MYO3B: variants seen among roughly 807,000 people sequenced by gnomAD.
MYO3B encodes the protein myosin IIIB, also known as myosin-IIIb.
In MYO3B, 156 loss-of-function variants were observed where a neutral mutation model predicts 174.6. The ratio of observed to expected loss-of-function variants is 0.89; its 90% CI spans 0.78 to 1.02. The LOEUF (loss-of-function observed/expected upper bound fraction) is 1.02. Ranked by LOEUF, MYO3B falls within the 50% of genes least tolerant of loss-of-function variation. The pLI is 0.00. For synonymous variants in MYO3B, 563 were observed against 569.1 expected (o/e 0.99, Z 0.15); for missense variants, 1,632 against 1,639.4 (o/e 1.00, Z 0.08).
At chr2:170,585,065 T>C (rs951483080) in intron 32 of MYO3B, among the ~76,000 whole-genome samples, 2 of 152,168 alleles carry the variant, frequency 1.3e-5, no homozygotes, top group African/African-American at 4.8e-5. Context: ...TCTGCTGGAG[T>C]CCCACCTCCA....
intron 25 of MYO3B, among the ~76,000 whole-genome samples, chr2:170,487,266 A>G (rs1686128160): frequency 6.6e-6 from 1 of 152,224 alleles, no homozygotes; most frequent in Admixed American, 6.5e-5. Context: ...ATACCCCTAA[A>G]GTATACTCAT....
At chr2:170,481,163 A>G (rs1685664063) in intron 25 of MYO3B, among the ~76,000 whole-genome samples, 1 of 152,200 alleles carries the variant, frequency 6.6e-6, no homozygotes, top group Admixed American at 6.5e-5. Context: ...ATAAGAAAAC[A>G]CAAATCCTCC....
intron 30 of MYO3B, among the ~76,000 whole-genome samples, chr2:170,520,512 C>CAT (rs759291370): frequency 5.1e-4 from 77 of 151,196 alleles, no homozygotes; most frequent in African/African-American, 9.3e-4. Context: ...CACACACACA[C>CAT]ATATATATAT....
chr2:170,313,889 G>A (rs879360491), intron 7 of MYO3B, among the ~76,000 whole-genome samples: 10 of 152,042 alleles, frequency 6.6e-5, no homozygotes, highest in Non-Finnish European at 1.5e-4. Context: ...GCTCAAAATT[G>A]CAAGGAGAAG....
At chr2:170,192,635 A>C (rs1160521433) in intron 1 of MYO3B, among the ~76,000 whole-genome samples, 2 of 151,164 alleles carry the variant, frequency 1.3e-5, no homozygotes, top group South Asian at 4.2e-4. Context: ...TTTTGAATAG[A>C]ATATTAAAAA....
chr2:170,394,255 T>C (rs2094431759), intron 16 of MYO3B, among the ~76,000 whole-genome samples: 1 of 152,192 alleles, frequency 6.6e-6, no homozygotes, highest in South Asian at 2.1e-4. Flanking sequence ...CAAGGTCTGA[T>C]TGCAAAAATT....
chr2:170,593,625 A>G (rs1693957818), intron 32 of MYO3B, among the ~76,000 whole-genome samples: 1 of 152,214 alleles, frequency 6.6e-6, no homozygotes, highest in African/African-American at 2.4e-5. Context: ...GACCCAAATG[A>G]GGTCTGTTAG....
rs531442344 is a variant in MYO3B, at chr2:170,618,241, A to C, written c.3734-33387A>C. On this transcript the variant is annotated intron_variant, in intron 32 of 34. Coordinates refer to ENST00000408978, the MANE Select transcript of MYO3B (RefSeq NM_138995.5). ...CATTAACATAGACCTCGATAGGAGC[A>C]TCCATCCATGTCACGGCTCGAATAA... 1.6e-4 allele frequency among the ~76,000 whole-genome samples: 25 copies of C among 152,314 alleles called. No homozygotes were observed. The East Asian group carries it at 4.8e-3, about 29-fold the overall frequency.
chr2:170,367,193 A>G (rs142140397), intron 8 of MYO3B, among the ~76,000 whole-genome samples: 24 of 152,290 alleles, frequency 1.6e-4, no homozygotes, highest in Non-Finnish European at 2.5e-4. Flanking sequence ...TTTCTTTTCA[A>G]TGAGCATTTC....
chr2:170,179,770 G>A (rs1226927726), intron 1 of MYO3B, among the ~76,000 whole-genome samples: 1 of 152,142 alleles, frequency 6.6e-6, no homozygotes, highest in Non-Finnish European at 1.5e-5. Flanking sequence ...AGCAGAAAAT[G>A]GACTAACACA....
intron 7 of MYO3B, among the ~76,000 whole-genome samples, chr2:170,314,672 T>C (rs1158935693): frequency 6.6e-6 from 1 of 152,210 alleles, no homozygotes; most frequent in Non-Finnish European, 1.5e-5. Context: ...TAAAGAACTA[T>C]GTATTTTAAA....
At chr2:170,471,190 C>T (rs1288571765) in intron 25 of MYO3B, among the ~76,000 whole-genome samples, 2 of 152,044 alleles carry the variant, frequency 1.3e-5, no homozygotes, top group Admixed American at 6.6e-5. Context: ...GCTGGGATTA[C>T]AGGCATCTGC....
At chr2:170,563,218 T>C in intron 32 of MYO3B, among the ~76,000 whole-genome samples, 1 of 151,818 alleles carries the variant, frequency 6.6e-6, no homozygotes, top group South Asian at 2.1e-4. Flanking sequence ...TTAGGATAAT[T>C]GGAGTATTGT....
chr2:170,405,382 T>C (rs534258597), intron 20 of MYO3B, among the ~76,000 whole-genome samples, 163 bp from the exon 21 acceptor site: 1 of 152,328 alleles, frequency 6.6e-6, no homozygotes, highest in South Asian at 2.1e-4. Flanking sequence ...AAGGATATAA[T>C]GATAAATGCC....
chr2:170,235,794 G>A (rs1382445833), intron 6 of MYO3B, among the ~76,000 whole-genome samples, 197 bp from the exon 7 acceptor site: 1 of 152,158 alleles, frequency 6.6e-6, no homozygotes, highest in Non-Finnish European at 1.5e-5. Context: ...TGACACATTT[G>A]TAAAAGCTAA....
chr2:170,393,923 T>C (rs535817997), intron 16 of MYO3B, among the ~76,000 whole-genome samples: 1 of 152,252 alleles, frequency 6.6e-6, no homozygotes, highest in Non-Finnish European at 1.5e-5. Context: ...GGTTATTAAC[T>C]TAAAGAACAG....
intron 25 of MYO3B, among the ~76,000 whole-genome samples, chr2:170,489,823 T>C (rs965068957): frequency 6.6e-6 from 1 of 152,100 alleles, no homozygotes. Context: ...GAGGGTAATC[T>C]GCTTTACTTA....
intron 28 of MYO3B, among the ~76,000 whole-genome samples, chr2:170,511,456 A>G (rs955637284): frequency 4.6e-5 from 7 of 152,118 alleles, no homozygotes; most frequent in African/African-American, 1.7e-4. Context: ...GAATGATCCT[A>G]GAGGTGGAAG....
rs190361860 is a variant in MYO3B, at chr2:170,496,541, A to G, written c.3015-2051A>G. On this transcript the variant is annotated intron_variant, in intron 25 of 34. Coordinates refer to ENST00000408978, the MANE Select transcript of MYO3B (RefSeq NM_138995.5). ...GAAAAAAATGCCTTGCAAGTTTTCT[A>G]AAGAAAAACTAAGGTGAGATTTTCT... Among the ~76,000 whole-genome samples the G allele has an allele frequency of 1.3e-3, 194 of 150,906 alleles. 4 individuals carry two copies. Among genetic ancestry groups the G allele is most frequent in the Admixed American group, 0.011 (163 of 15,134 alleles).
Sources: gnomAD v4.1 joint callset for allele counts (sites outside exome capture counted in the v4.1 genomes callset) on GRCh38, gnomAD v4.1.1 for gene constraint, MANE v1.5 for transcripts, NCBI Gene and HGNC (gene_info 2026-07-23, HGNC 2026-07-21) for gene names.